CAT: variants seen among roughly 807,000 people sequenced by gnomAD.
CAT encodes epididymis secretory sperm binding protein.
Under a neutral mutation model 59.0 loss-of-function variants are expected in CAT, and 43 were observed. The observed-to-expected ratio is 0.73, with a 90% CI of 0.57 to 0.94. The LOEUF (loss-of-function observed/expected upper bound fraction) is 0.94. CAT is among the 40% of genes least tolerant of loss of function. The probability of loss-of-function intolerance (pLI) is 0.00; values close to 1 mark genes in which losing one functional copy is unlikely to be tolerated. For missense variants in CAT, 664 were observed against 682.9 expected (o/e 0.97, Z 0.31); for synonymous variants, 218 against 230.9 (o/e 0.94, Z 0.51).
intron 2 of CAT, among the ~76,000 whole-genome samples, chr11:34,449,886 G>C (rs1012536575): frequency 6.6e-6 from 1 of 152,192 alleles, no homozygotes; most frequent in Non-Finnish European, 1.5e-5. Context: ...GTTCAAGGTG[G>C]TGGGAGGCCA....
At position 34,449,303 on chromosome 11, in the gene CAT, G is replaced by A. The variant is rs915685248; in HGVS notation, c.178G>A (p.Glu60Lys). The A allele has an allele frequency of 6.2e-7, 1 of 1,614,070 alleles. No homozygotes were observed. Among genetic ancestry groups the A allele is most frequent in the African/African-American group, 1.3e-5 (1 of 74,936 alleles). Residue 60 changes from glutamate (E) to lysine (K), a missense_variant, in exon 2 of 13, where the codon GAA becomes AAA. Physicochemically the swap from Glu to Lys is moderately conservative, Grantham distance 56. Coordinates refer to ENST00000241052, the MANE Select transcript of CAT (RefSeq NM_001752.4). ...LLVQDVVFTDEMAHFDRERIP... is the reference protein window; with the variant it reads ...LLVQDVVFTDKMAHFDRERIP... ...TGTTCAGGATGTGGTTTTCACTGAT[G>A]AAATGGCTCATTTTGACCGAGAGAG...
chr11:34,471,221 C>T (rs2133861743), intron 12 of CAT, 147 bp from the exon 13 acceptor site: 1 of 862,942 alleles, frequency 1.2e-6, no homozygotes, highest in East Asian at 2.6e-5. Flanking sequence ...AACACATACT[C>T]TTCATTTTAG....
rs1174116396 is a variant in CAT at position 34,449,291 on chromosome 11, GTTTT to G, written c.167_170del (p.Val56AlafsTer78). 5.6e-6 allele frequency: 9 copies of G among 1,614,020 alleles called. No homozygotes were observed. Among genetic ancestry groups the G allele is most frequent in the Non-Finnish European group, 7.6e-6 (9 of 1,179,974 alleles). On this transcript the variant is annotated frameshift_variant, in exon 2 of 13. Transcript: ENST00000241052. LOFTEE classifies it high-confidence loss of function. The stretch of plus-strand genomic sequence containing the variant: ...TGGGCCCCTTCTTGTTCAGGATGTG[GTTTT>G]CACTGATGAAATGGCTCATTTTGAC...
At position 34,468,374 on chromosome 11, in the gene CAT, A is replaced by G; in HGVS notation, c.1413A>G (p.Gln471=). The G allele has an allele frequency of 2.5e-6, 4 of 1,613,846 alleles. No homozygotes were observed. Among genetic ancestry groups the G allele is most frequent in the Non-Finnish European group, 8.5e-7 (1 of 1,179,706 alleles). The part of the protein sequence containing the change: ...ENIAGHLKDA[Q]IFIQKKAVKN... ...TTGCCGGCCACCTGAAGGATGCACA[A>G]ATTTTCATCCAGAAGAAAGCGGTGA... The change falls in exon 11 of 13, where the codon CAA becomes CAG. Residue 471 remains glutamine, a synonymous_variant. Coordinates refer to ENST00000241052, the MANE Select transcript of CAT (RefSeq NM_001752.4).
In CAT at chr11:34,456,023, A is replaced by G. The variant is rs1161708512; in HGVS notation, c.724A>G (p.Ile242Val). 20 of 1,613,974 alleles carry G rather than the reference A, an allele frequency of 1.2e-5. No individual in the cohort carries two copies. Among genetic ancestry groups the G allele is most frequent in the Non-Finnish European group, 1.6e-5 (19 of 1,179,994 alleles). ...CKFHYKTDQG[I>V]KNLSVEDAAR... The stretch of plus-strand genomic sequence containing the variant: ...TTTCATTTTGTAGACTGACCAGGGC[A>G]TCAAAAACCTTTCTGTTGAAGATGC... Residue 242 changes from isoleucine (I) to valine (V), a missense_variant, in exon 7 of 13, where the codon ATC becomes GTC. Transcript: ENST00000241052.
chr11:34,439,756 G>C (rs776707324), intron 1 of CAT, among the ~76,000 whole-genome samples: 13 of 152,182 alleles, frequency 8.5e-5, no homozygotes, highest in Non-Finnish European at 1.9e-4. Context: ...ACAAATTCCA[G>C]TGCGGCAAGA....
At chr11:34,469,992 C>A (rs1300371289) in intron 11 of CAT, among the ~76,000 whole-genome samples, 1 of 152,072 alleles carries the variant, frequency 6.6e-6, no homozygotes, top group South Asian at 2.1e-4. Flanking sequence ...TTTTCCCCGA[C>A]AATAAGCAAT....
At chr11:34,461,541 T>C in intron 9 of CAT, 152 bp downstream of exon 9, 2 of 811,986 alleles carry the variant, frequency 2.5e-6, no homozygotes. Context: ...GGCGCTTTTT[T>C]GCCCAGCAGT....
intron 10 of CAT, among the ~76,000 whole-genome samples, chr11:34,467,444 A>G (rs1427213234): frequency 3.3e-5 from 5 of 152,182 alleles, no homozygotes; most frequent in Non-Finnish European, 7.4e-5. Flanking sequence ...AAACATAATT[A>G]TAGCCTGATA....
chr11:34,464,163 C>T lies in CAT; in HGVS notation c.1254C>T (p.Ala418=). ...GTGCTCCGGAACAACAGCCTTCTGC[C>T]CTGGAGCACAGCATCCAATATTCTG... ...SFGAPEQQPS[A]LEHSIQYSGE... The change falls in exon 10 of 13, where the codon GCC becomes GCT. Residue 418 remains alanine, a synonymous_variant. Transcript: ENST00000241052. 1 of 1,613,890 alleles carries T rather than the reference C, an allele frequency of 6.2e-7. No individual in the cohort carries two copies. Among genetic ancestry groups the T allele is most frequent in the Non-Finnish European group, 8.5e-7 (1 of 1,179,808 alleles).
At chr11:34,441,102 C>T (rs976473680) in intron 1 of CAT, among the ~76,000 whole-genome samples, 2 of 152,152 alleles carry the variant, frequency 1.3e-5, no homozygotes, top group African/African-American at 2.4e-5. Context: ...CTTACTGTTC[C>T]TCAGTTTTAG....
intron 10 of CAT, among the ~76,000 whole-genome samples, chr11:34,466,780 C>CAAAAAAAAAAAAAAAA (rs71457350): frequency 9.7e-5 from 4 of 41,142 alleles, no homozygotes; most frequent in Non-Finnish European, 1.6e-4. Flanking sequence ...GACTCCGTCT[C>CAAAAAAAAAAAAAAAA]AAAAAAAAAA....
rs755567886 is a variant in CAT at position 34,471,017 on chromosome 11, C to T, written c.1494C>T (p.Asp498=). Residue 498 remains aspartate (D), a synonymous_variant, in exon 12 of 13, where the codon GAC becomes GAT. Transcript: ENST00000241052. The part of the protein sequence containing the change: ...DYGSHIQALL[D]KYNAEKPKNA... ...GGAGCCACATCCAGGCTCTTCTGGA[C>T]AAGTACAATGCTGAGAAGCCTAAGG... The T allele has an allele frequency of 1.1e-5, 18 of 1,614,034 alleles. No individual in the cohort carries two copies. The Admixed American group carries it at 2.8e-4, about 25-fold the overall frequency.
chr11:34,453,553 G>A (rs1164806088), intron 5 of CAT, among the ~76,000 whole-genome samples: 1 of 152,132 alleles, frequency 6.6e-6, no homozygotes, highest in African/African-American at 2.4e-5. Flanking sequence ...CCAGTTTTCA[G>A]GTTGTTTTGG....
rs978569986 is a variant in CAT at position 34,471,538 on chromosome 11, T to A, written c.*105T>A. 2.1e-6 allele frequency: 2 copies of A among 943,588 alleles called. No individual in the cohort carries two copies. Among genetic ancestry groups the A allele is most frequent in the African/African-American group, 3.2e-5 (2 of 62,028 alleles). The allele number at this position is 943,588 out of a possible 1,614,324, so 58.5% of individuals were successfully genotyped here. On this transcript the variant is annotated 3_prime_UTR_variant, in exon 13 of 13. Transcript: ENST00000241052. ...TGCTAGATGTGCAAATGCAAGCTAG[T>A]GGCTTCAAAATAGAGAATCCCACTT... is the stretch of plus-strand genomic sequence containing the variant.
Position 34,453,801 on chromosome 11 carries a change from G to T in CAT, c.586G>T (p.Val196Phe). Residue 196 changes from valine to phenylalanine, a missense_variant and splice_region_variant, in exon 6 of 13, where the codon GTT becomes TTT. Physicochemically the swap from Val to Phe is conservative, Grantham distance 50 (BLOSUM62 -1). Coordinates refer to ENST00000241052, the MANE Select transcript of CAT (RefSeq NM_001752.4). ...TAGGCTTTATATTTCTGTTCTTTAG[G>T]TTTCTTTCTTGTTCAGTGATCGGGG... ...WSLRPESLHQ[V>F]SFLFSDRGIP... 6.2e-7 allele frequency: 1 copy of T among 1,612,818 alleles called. No individual in the cohort carries two copies. The highest frequency in any genetic ancestry group is 8.5e-7 in the Non-Finnish European group (1 of 1,178,918).
intron 8 of CAT, among the ~76,000 whole-genome samples, chr11:34,459,567 G>C (rs568713559): frequency 6.6e-6 from 1 of 152,250 alleles, no homozygotes; most frequent in Non-Finnish European, 1.5e-5. Context: ...AAGTTGGGCC[G>C]GTTGCTTGGG....
At chr11:34,442,492 T>C (rs1856402678) in intron 1 of CAT, among the ~76,000 whole-genome samples, 1 of 152,182 alleles carries the variant, frequency 6.6e-6, no homozygotes, top group South Asian at 2.1e-4. Context: ...TCCCAGCTGC[T>C]TGGGAGGCTG....
chr11:34,450,598 A>G (rs891971562), intron 2 of CAT, among the ~76,000 whole-genome samples: 5 of 152,042 alleles, frequency 3.3e-5, no homozygotes, highest in Admixed American at 2.6e-4. Context: ...GCTTTGTATC[A>G]TCGTTGCTAA....
Sources: gnomAD v4.1 joint callset for allele counts (sites outside exome capture counted in the v4.1 genomes callset) on GRCh38, gnomAD v4.1.1 for gene constraint, MANE v1.5 for transcripts, NCBI Gene and HGNC (gene_info 2026-07-23, HGNC 2026-07-21) for gene names.